Variants in FAM120A observed in about 807,000 individuals in gnomAD.
FAM120A encodes the protein constitutive coactivator of PPAR-gamma-like protein 1.
Under a neutral mutation model 109.7 loss-of-function variants are expected in FAM120A, and 15 were observed. The observed-to-expected ratio is 0.14, with a 90% confidence interval of 0.09 to 0.21. The LOEUF (loss-of-function observed/expected upper bound fraction) is 0.21, where lower values mean the gene tolerates loss of function less well. FAM120A is among the 10% of genes least tolerant of loss of function. The pLI, the probability that FAM120A is intolerant of heterozygous loss-of-function variation, is 1.00. For synonymous variants in FAM120A, 493 were observed against 572.8 expected, an observed-to-expected ratio of 0.86 and a Z score of 1.99; for missense variants, 899 against 1,439.3, an observed-to-expected ratio of 0.62 and a Z score of 6.07.
At chr9:93,473,029 T>G (rs896544203) in intron 2 of FAM120A, among the ~76,000 whole-genome samples, 3 of 152,044 alleles carry the variant, frequency 2.0e-5, no homozygotes, top group African/African-American at 7.3e-5. Flanking sequence ...ACAATTTTTT[T>G]TTTTTTTAAA....
At chr9:93,482,096 C>A (rs1045990641) in intron 3 of FAM120A, among the ~76,000 whole-genome samples, 4 of 151,770 alleles carry the variant, frequency 2.6e-5, no homozygotes, top group Non-Finnish European at 4.4e-5. Flanking sequence ...TTTTGGTAAT[C>A]TTTTACCAGC....
At chr9:93,476,438 A>G in intron 3 of FAM120A, 100 bp downstream of exon 3, 1 of 764,324 alleles carries the variant, frequency 1.3e-6, no homozygotes, top group Admixed American at 2.3e-5. Context: ...GATGCTACAA[A>G]GTTAGCAATA....
chr9:93,497,551 C>T lies in FAM120A; in HGVS notation c.885C>T (p.Asp295=). 1.2e-6 allele frequency: 2 copies of T among 1,612,864 alleles called. No individual in the cohort carries two copies. Among genetic ancestry groups the T allele is most frequent in the Admixed American group, 1.7e-5 (1 of 59,682 alleles). ...AVADYVRNIQ[D]TSDLDAIAKD... Reference sequence around the variant, plus strand: ...CTGACTATGTACGCAACATTCAGGACACCTCTGACTTGGATGCCATAGCTA... The same window carrying T: ...CTGACTATGTACGCAACATTCAGGATACCTCTGACTTGGATGCCATAGCTA... Residue 295 remains aspartate (D), a synonymous_variant, in exon 4 of 18, where the codon GAC becomes GAT. Coordinates refer to ENST00000277165, the MANE Select transcript of FAM120A (RefSeq NM_014612.5).
At chr9:93,527,316 A>G in intron 8 of FAM120A, 74 bp downstream of exon 8, 1 of 1,052,362 alleles carries the variant, frequency 9.5e-7, no homozygotes, top group Admixed American at 2.0e-5. Context: ...GTGATCAAAT[A>G]GTGAAAAATA....
In FAM120A at chr9:93,471,352, A is replaced by G; in HGVS notation, c.686A>G (p.Asn229Ser). The change falls in exon 2 of 18, where the codon AAT becomes AGT. Residue 229 changes from asparagine to serine, a missense_variant. This residue lies in a region of FAM120A where 258 missense variants were observed against 451.4 expected (regional missense o/e 0.57). Coordinates refer to ENST00000277165, the MANE Select transcript of FAM120A (RefSeq NM_014612.5). ...MHEVAKQLDL[N>S]PNRFPIFAAL... ...GAAGTTGCCAAGCAACTGGACCTGA[A>G]TCCAAATCGTTTTCCTATTTTTGCT... 5 of 1,614,192 alleles carry G rather than the reference A, an allele frequency of 3.1e-6. No homozygotes were observed. Among genetic ancestry groups the G allele is most frequent in the Non-Finnish European group, 4.2e-6 (5 of 1,180,024 alleles).
At chr9:93,562,059 T>G in intron 16 of FAM120A, 149 bp from the exon 17 acceptor site, 1 of 650,862 alleles carries the variant, frequency 1.5e-6, no homozygotes, top group South Asian at 1.9e-5. Context: ...ACTGCAAAAA[T>G]TCAACAAATT....
At chr9:93,462,114 T>G (rs958727719) in intron 1 of FAM120A, among the ~76,000 whole-genome samples, 4 of 152,202 alleles carry the variant, frequency 2.6e-5, no homozygotes, top group Admixed American at 1.3e-4. Context: ...AAACTCTGCC[T>G]TTTTACAAGT....
chr9:93,516,945 A>C (rs1311000315), intron 7 of FAM120A, among the ~76,000 whole-genome samples: 2 of 152,208 alleles, frequency 1.3e-5, no homozygotes, highest in African/African-American at 2.4e-5. Flanking sequence ...TCTTTTCTTT[A>C]AGTCAGTGTC....
At chr9:93,493,829 C>G (rs1859447225) in intron 3 of FAM120A, among the ~76,000 whole-genome samples, 1 of 151,778 alleles carries the variant, frequency 6.6e-6, no homozygotes, top group African/African-American at 2.4e-5. Flanking sequence ...CTTGGCTTCG[C>G]AGTCAGCCAG....
intron 3 of FAM120A, among the ~76,000 whole-genome samples, chr9:93,488,846 A>G (rs749178113): frequency 5.9e-5 from 9 of 152,036 alleles, no homozygotes; most frequent in Non-Finnish European, 5.9e-5. Flanking sequence ...TGCAGGAGCC[A>G]TGGACCCTCC....
chr9:93,502,821 A>T (rs1211490072), intron 5 of FAM120A, among the ~76,000 whole-genome samples: 1 of 152,230 alleles, frequency 6.6e-6, no homozygotes, highest in Non-Finnish European at 1.5e-5. Context: ...AGCACAAATA[A>T]GATATGTGAT....
intron 12 of FAM120A, among the ~76,000 whole-genome samples, chr9:93,555,062 T>A (rs753911408): frequency 1.2e-4 from 19 of 152,228 alleles, no homozygotes; most frequent in Non-Finnish European, 2.8e-4. Context: ...GGCTGGGGTC[T>A]AAATGAATCA....
intron 7 of FAM120A, among the ~76,000 whole-genome samples, chr9:93,518,904 C>T (rs558240094): frequency 2.0e-4 from 31 of 152,316 alleles, no homozygotes; most frequent in African/African-American, 6.3e-4. Flanking sequence ...CATAAACTTC[C>T]TTAAAACATT....
intron 1 of FAM120A, among the ~76,000 whole-genome samples, chr9:93,453,887 A>T (rs943298847): frequency 2.0e-5 from 3 of 152,248 alleles, no homozygotes; most frequent in African/African-American, 7.2e-5. Flanking sequence ...AAAAGACAGG[A>T]TGAGCTGCAC....
chr9:93,482,500 G>A (rs960602783), intron 3 of FAM120A, among the ~76,000 whole-genome samples: 1 of 152,016 alleles, frequency 6.6e-6, no homozygotes, highest in African/African-American at 2.4e-5. Flanking sequence ...CATTCACCTC[G>A]AATTTTTCCC....
Position 93,451,889 on chromosome 9 carries a change from A to G in FAM120A, c.-27A>G, listed in dbSNP as rs1400688019. 8.9e-6 allele frequency: 10 copies of G among 1,129,456 alleles called. No homozygotes were observed. Among genetic ancestry groups the G allele is most frequent in the Admixed American group, 5.1e-5 (1 of 19,700 alleles). The allele number at this position is 1,129,456 out of a possible 1,614,324, so 70.0% of individuals were successfully genotyped here. On this transcript the variant is annotated 5_prime_UTR_variant, in exon 1 of 18. Coordinates refer to ENST00000277165, the MANE Select transcript of FAM120A (RefSeq NM_014612.5). ...CCCGGCCCCGCCGCCCCCCGCCCGC[A>G]CCCGCGCCCGCGCCCCCGCCGCCGC...
At position 93,471,311 on chromosome 9, in the gene FAM120A, C is replaced by G. The variant is rs1322710500; in HGVS notation, c.645C>G (p.Ser215Arg). Residue 215 changes from serine (S) to arginine (R), a missense_variant, in exon 2 of 18, where the codon AGC (serine) becomes AGG (arginine). Around this residue, in one of 11 missense-constraint regions of FAM120A, gnomAD observed 258 missense variants for 451.4 expected, o/e 0.57. Transcript: ENST00000277165. ...LSRNGKSLTT[S>R]QYLMHEVAKQ... ...GGAACGGGAAAAGTCTCACCACAAG[C>G]CAATATCTGATGCATGAAGTTGCCA... 6.2e-7 allele frequency: 1 copy of G among 1,614,160 alleles called. No homozygotes were observed. Among genetic ancestry groups the G allele is most frequent in the Admixed American group, 1.7e-5 (1 of 60,018 alleles).
At chr9:93,537,700 AATGTTTTTATTTGTGC>A (rs1235600904) in intron 10 of FAM120A, among the ~76,000 whole-genome samples, 1 of 152,192 alleles carries the variant, frequency 6.6e-6, no homozygotes, top group East Asian at 1.9e-4. Context: ...TTGCTTCAGA[AATGTTTTTATTTGTGC>A]TAATAATTGG....
intron 11 of FAM120A, 89 bp from the exon 12 acceptor site, chr9:93,550,488 G>T: frequency 1.1e-6 from 1 of 904,230 alleles, no homozygotes; most frequent in South Asian, 1.3e-5. Context: ...CACATCATCC[G>T]GGATTTACCT....
Sources: gnomAD v4.1 joint callset for allele counts (sites outside exome capture counted in the v4.1 genomes callset) on GRCh38, gnomAD v4.1.1 for gene constraint, gnomAD v4.1.1 regional missense constraint, MANE v1.5 for transcripts, NCBI Gene and HGNC (gene_info 2026-07-23, HGNC 2026-07-21) for gene names.